The following ATL1 variants were observed in gnomAD, a reference collection of about 807,000 sequenced individuals.
ATL1 encodes the protein atlastin-1.
Under a neutral mutation model 75.5 loss-of-function variants are expected in ATL1, and 31 were observed. The ratio of observed to expected loss-of-function variants is 0.41; its 90% CI spans 0.31 to 0.55. ATL1 has a LOEUF of 0.55. Among genes scored for constraint, ATL1 ranks in the 20% least tolerant of loss-of-function variants. The pLI is 0.27. For synonymous variants in ATL1, 226 were observed against 233.3 expected, an observed-to-expected ratio of 0.97 and a Z score of 0.28; for missense variants, 405 against 662.6, an observed-to-expected ratio of 0.61 and a Z score of 4.27.
intron 6 of ATL1, among the ~76,000 whole-genome samples, chr14:50,607,261 C>T (rs968133196): frequency 4.6e-5 from 7 of 152,042 alleles, no homozygotes; most frequent in African/African-American, 1.7e-4. Flanking sequence ...ATAAGACCAT[C>T]TCTCAAAATA....
chr14:50,573,756 A>C (rs913518625), intron 1 of ATL1, among the ~76,000 whole-genome samples: 6 of 152,174 alleles, frequency 3.9e-5, no homozygotes, highest in African/African-American at 1.4e-4. Flanking sequence ...TTTTTTAAAA[A>C]AACATGAAGT....
At chr14:50,587,470 G>A (rs1416256443) in intron 1 of ATL1, among the ~76,000 whole-genome samples, 1 of 151,914 alleles carries the variant, frequency 6.6e-6, no homozygotes, top group East Asian at 1.9e-4. Flanking sequence ...GAGTGCAGTG[G>A]CACAATCATA....
intron 12 of ATL1, among the ~76,000 whole-genome samples, chr14:50,629,448 G>A (rs1227957059): frequency 6.6e-6 from 1 of 152,062 alleles, no homozygotes; most frequent in Non-Finnish European, 1.5e-5. Context: ...AGTCATAGTG[G>A]CGCATGCCTG....
intron 6 of ATL1, among the ~76,000 whole-genome samples, chr14:50,609,935 T>C (rs1566729832): frequency 1.3e-5 from 2 of 152,060 alleles, no homozygotes; most frequent in Admixed American, 6.6e-5. Flanking sequence ...ATTTGTAATT[T>C]ATATTCCTCA....
upstream of ATL1, among the ~76,000 whole-genome samples, chr14:50,555,530 C>T (rs1467632450): frequency 3.9e-5 from 6 of 152,138 alleles, no homozygotes; most frequent in East Asian, 7.7e-4. Context: ...GCAATCTGCC[C>T]GCCTTGGCCT....
intron 1 of ATL1, among the ~76,000 whole-genome samples, chr14:50,542,196 C>G (rs1368130000): frequency 2.0e-5 from 3 of 148,840 alleles, no homozygotes; most frequent in African/African-American, 7.5e-5. Flanking sequence ...GGGAGTTACC[C>G]TGCATGTTCT....
Position 50,632,686 on chromosome 14 carries a change from C to T in ATL1, c.*347C>T. 1 of 212,156 alleles carries T rather than the reference C, an allele frequency of 4.7e-6. No individual in the cohort carries two copies. The highest frequency in any genetic ancestry group is 9.6e-6 in the Non-Finnish European group (1 of 103,730). The allele number at this position is 212,156 out of a possible 1,614,324, so 13.1% of individuals were successfully genotyped here. A position where few individuals can be genotyped will look rare whatever the true frequency, so the allele number is the denominator to read the frequency against. ...ATGTGATATTCCACGTTTGGATATG[C>T]TCATTTAATTTCTACAGAAAAAATT... On this transcript the variant is annotated 3_prime_UTR_variant, in exon 14 of 14. Transcript: ENST00000358385.
chr14:50,586,635 T>G (rs1390260519), intron 1 of ATL1, among the ~76,000 whole-genome samples: 4 of 152,210 alleles, frequency 2.6e-5, no homozygotes, highest in Non-Finnish European at 5.9e-5. Context: ...CTTTCTGTTC[T>G]TATGATATAA....
intron 1 of ATL1, among the ~76,000 whole-genome samples, chr14:50,566,376 C>T (rs1030897817): frequency 6.6e-6 from 1 of 152,168 alleles, no homozygotes; most frequent in South Asian, 2.1e-4. Flanking sequence ...ATAATTTTTA[C>T]AGTTTAGCTA....
intron 11 of ATL1, among the ~76,000 whole-genome samples, chr14:50,623,924 A>ACG (rs924097535): frequency 2.4e-4 from 36 of 152,102 alleles, no homozygotes; most frequent in African/African-American, 8.2e-4. Flanking sequence ...GCCTGATGGC[A>ACG]CGCACCTGTA....
At chr14:50,608,884 T>G (rs72679563) in intron 6 of ATL1, among the ~76,000 whole-genome samples, 1 of 152,174 alleles carries the variant, frequency 6.6e-6, no homozygotes, top group Non-Finnish European at 1.5e-5. Flanking sequence ...AATGGACATC[T>G]ATTTAAAGTT....
At chr14:50,605,156 A>G (rs966308551) in intron 6 of ATL1, among the ~76,000 whole-genome samples, 2 of 151,720 alleles carry the variant, frequency 1.3e-5, no homozygotes, top group Non-Finnish European at 2.9e-5. Context: ...ATCCTTGGAG[A>G]GTTTGTGCAA....
At position 50,628,842 on chromosome 14, in the gene ATL1, G is replaced by A. The variant is rs371995473; in HGVS notation, c.1551+380G>A. ...AGCAATTCTTGTGCCTCAGCCTCTC[G>A]AGTAGATGGGACTACAGGTGCATAC... On this transcript the variant is annotated intron_variant, in intron 12 of 13. Coordinates refer to ENST00000358385, the MANE Select transcript of ATL1 (RefSeq NM_015915.5). 4.6e-5 allele frequency among the ~76,000 whole-genome samples: 7 copies of A among 152,082 alleles called. No homozygotes were observed. The East Asian group carries it at 1.4e-3, about 29-fold the overall frequency.
chr14:50,566,257 C>G (rs200574871), intron 1 of ATL1, among the ~76,000 whole-genome samples: 1 of 148,094 alleles, frequency 6.8e-6, no homozygotes, highest in South Asian at 2.1e-4. Context: ...CTCAGCCCCC[C>G]AAAGTGCTGG....
chr14:50,547,408 C>T (rs2038647128), intron 1 of ATL1, among the ~76,000 whole-genome samples: 1 of 152,100 alleles, frequency 6.6e-6, no homozygotes, highest in Admixed American at 6.6e-5. Flanking sequence ...GTAGGGGAAG[C>T]ATTGGTGGAC....
upstream of ATL1, among the ~76,000 whole-genome samples, chr14:50,557,585 A>T (rs1380949361): frequency 6.6e-6 from 1 of 152,226 alleles, no homozygotes; most frequent in Non-Finnish European, 1.5e-5. Context: ...TCAACCACTC[A>T]TCTATATGTG....
chr14:50,623,093 A>G (rs1215818106), intron 10 of ATL1, 84 bp from the exon 11 acceptor site: 1 of 1,115,040 alleles, frequency 9.0e-7, no homozygotes, highest in African/African-American at 1.5e-5. Context: ...TTTCTTGCAC[A>G]TGATGCTCTG....
chr14:50,581,717 G>T (rs1194236767), intron 1 of ATL1, among the ~76,000 whole-genome samples: 1 of 152,064 alleles, frequency 6.6e-6, no homozygotes, highest in African/African-American at 2.4e-5. Context: ...AGTTTATTGA[G>T]ATCTGATTTA....
chr14:50,618,421 CA>C (rs1166418556), intron 8 of ATL1, among the ~76,000 whole-genome samples: 1 of 152,074 alleles, frequency 6.6e-6, no homozygotes, highest in African/African-American at 2.4e-5. Flanking sequence ...GCAAAATTAT[CA>C]GTGAAAATTG....
Sources: gnomAD v4.1 joint callset for allele counts (sites outside exome capture counted in the v4.1 genomes callset) on GRCh38, gnomAD v4.1.1 for gene constraint, MANE v1.5 for transcripts, NCBI Gene and HGNC (gene_info 2026-07-23, HGNC 2026-07-21) for gene names.